Variants in CEP112 observed in about 807,000 individuals in gnomAD.
The protein encoded by CEP112 is centrosomal protein 112.
A neutral mutation model predicts 153.0 loss-of-function variants in CEP112; 127 were observed. That is an observed-to-expected ratio of 0.83 (90% CI 0.72 to 0.96). The LOEUF is 0.96. CEP112 is among the 40% of genes least tolerant of loss of function. CEP112 has a pLI of 0.00. For missense variants in CEP112, 1,089 were observed against 1,101.2 expected (o/e 0.99, Z 0.16); for synonymous variants, 358 against 374.4 (o/e 0.96, Z 0.51).
At chr17:65,774,311 T>C (rs528468739) in intron 21 of CEP112, among the ~76,000 whole-genome samples, 1 of 152,100 alleles carries the variant, frequency 6.6e-6, no homozygotes, top group East Asian at 1.9e-4. Context: ...CCTTCTCCAT[T>C]AAGCCTGGGA....
intron 21 of CEP112, among the ~76,000 whole-genome samples, chr17:65,837,344 G>T (rs1019983780): frequency 5.3e-5 from 8 of 151,560 alleles, no homozygotes; most frequent in African/African-American, 1.9e-4. Context: ...CCGTCATCCC[G>T]TCTAGGAAGT....
intron 18 of CEP112, among the ~76,000 whole-genome samples, chr17:65,942,423 A>G (rs111632621): frequency 7.9e-5 from 12 of 152,290 alleles, no homozygotes; most frequent in African/African-American, 2.9e-4. Context: ...TATGTTACAA[A>G]AAGTTCAGAA....
intron 23 of CEP112, among the ~76,000 whole-genome samples, chr17:65,738,496 T>C (rs781047157): frequency 9.2e-5 from 14 of 152,226 alleles, no homozygotes; most frequent in Non-Finnish European, 1.9e-4. Flanking sequence ...ATAGTATTCA[T>C]TTCAAAAGCC....
chr17:66,173,989 T>G (rs1268854435), intron 4 of CEP112, among the ~76,000 whole-genome samples: 1 of 152,096 alleles, frequency 6.6e-6, no homozygotes, highest in Non-Finnish European at 1.5e-5. Flanking sequence ...AGTGCAGTAG[T>G]GGAATCTCGG....
At chr17:66,152,961 C>T (rs2071270950) in intron 4 of CEP112, among the ~76,000 whole-genome samples, 2 of 151,998 alleles carry the variant, frequency 1.3e-5, no homozygotes, top group Non-Finnish European at 1.5e-5. Flanking sequence ...TGGGGGAATG[C>T]AAATTAAAAC....
chr17:66,116,618 G>A (rs113929723), intron 6 of CEP112, among the ~76,000 whole-genome samples: 2 of 152,226 alleles, frequency 1.3e-5, no homozygotes, highest in African/African-American at 4.8e-5. Context: ...TGAAAACACG[G>A]AAAGGGAACT....
chr17:66,083,808 G>A (rs1285049848), intron 8 of CEP112, among the ~76,000 whole-genome samples: 4 of 152,126 alleles, frequency 2.6e-5, no homozygotes, highest in African/African-American at 9.7e-5. Flanking sequence ...CCAAGATTGT[G>A]CCACTGCACT....
chr17:66,126,084 GCTTAA>G (rs1302503085), intron 6 of CEP112, among the ~76,000 whole-genome samples: 1 of 152,180 alleles, frequency 6.6e-6, no homozygotes, highest in Non-Finnish European at 1.5e-5. Flanking sequence ...GAGACAGGAT[GCTTAA>G]CTTGTTTCAT....
At chr17:65,641,131 TC>T in intron 24 of CEP112, 66 bp from the exon 25 acceptor site, 1 of 870,472 alleles carries the variant, frequency 1.1e-6, no homozygotes, top group Admixed American at 1.8e-5. Flanking sequence ...ATTTAAGAAG[TC>T]CCAGAACAGA....
chr17:65,744,178 C>T (rs1047338579), intron 22 of CEP112, among the ~76,000 whole-genome samples: 1 of 152,162 alleles, frequency 6.6e-6, no homozygotes, highest in African/African-American at 2.4e-5. Context: ...GCAGTCAGAC[C>T]AATCACTGCA....
chr17:65,709,325 T>G (rs1206785682), intron 23 of CEP112, among the ~76,000 whole-genome samples: 1 of 152,238 alleles, frequency 6.6e-6, no homozygotes, highest in Non-Finnish European at 1.5e-5. Context: ...AAGACATACC[T>G]GAGACTGGAT....
chr17:66,056,536 G>A (rs1352593895), intron 11 of CEP112, among the ~76,000 whole-genome samples: 2 of 152,174 alleles, frequency 1.3e-5, no homozygotes, highest in Non-Finnish European at 1.5e-5. Context: ...TCCATACAAC[G>A]CAATATTATT....
chr17:66,187,422 T>C (rs188325536), intron 1 of CEP112, among the ~76,000 whole-genome samples: 65 of 152,354 alleles, frequency 4.3e-4, no homozygotes, highest in Admixed American at 2.6e-3. Flanking sequence ...TCACCAGTGA[T>C]CCACTAATTG....
chr17:65,672,565 T>C (rs2047039499), intron 24 of CEP112, among the ~76,000 whole-genome samples: 1 of 152,202 alleles, frequency 6.6e-6, no homozygotes, highest in African/African-American at 2.4e-5. Flanking sequence ...CCTGATTGAA[T>C]CCTCACAACA....
chr17:65,747,860 G>A (rs768259437), intron 22 of CEP112, among the ~76,000 whole-genome samples: 2 of 152,102 alleles, frequency 1.3e-5, no homozygotes, highest in African/African-American at 2.4e-5. Flanking sequence ...CTCTAAAGGA[G>A]GAAAATCTTT....
intron 21 of CEP112, among the ~76,000 whole-genome samples, chr17:65,765,503 AC>A (rs2052908591): frequency 6.6e-6 from 1 of 151,998 alleles, no homozygotes; most frequent in Non-Finnish European, 1.5e-5. Context: ...CATGACGAGA[AC>A]CTGGTCAAGC....
At chr17:65,977,318 G>T (rs1389626784) in intron 17 of CEP112, among the ~76,000 whole-genome samples, 1 of 152,120 alleles carries the variant, frequency 6.6e-6, no homozygotes, top group African/African-American at 2.4e-5. Flanking sequence ...AACGTTCCAG[G>T]TTTTCAGCTT....
intron 21 of CEP112, among the ~76,000 whole-genome samples, chr17:65,821,091 AT>A (rs1165652173): frequency 1.4e-5 from 2 of 139,514 alleles, no homozygotes; most frequent in Non-Finnish European, 3.1e-5. Context: ...CTTTTTTAAA[AT>A]AATAATTTGT....
intron 12 of CEP112, among the ~76,000 whole-genome samples, chr17:66,051,695 A>G (rs2066449867): frequency 2.0e-5 from 3 of 152,108 alleles, no homozygotes; most frequent in Admixed American, 2.0e-4. Flanking sequence ...CTGCGTAACA[A>G]CTCTTGTTTA....
Sources: gnomAD v4.1 joint callset for allele counts (sites outside exome capture counted in the v4.1 genomes callset) on GRCh38, gnomAD v4.1.1 for gene constraint, MANE v1.5 for transcripts, NCBI Gene and HGNC (gene_info 2026-07-23, HGNC 2026-07-21) for gene names.